PHF21A: variants seen among roughly 807,000 people sequenced by gnomAD.
PHF21A encodes the protein PHD finger protein 21A.
Under a neutral mutation model 82.5 loss-of-function variants are expected in PHF21A, and 11 were observed. That is an observed-to-expected ratio of 0.13 (90% CI 0.08 to 0.22). The LOEUF (loss-of-function observed/expected upper bound fraction) is 0.22, where lower values mean the gene tolerates loss of function less well. PHF21A is among the 10% of genes least tolerant of loss of function. PHF21A has a pLI of 1.00. For synonymous variants in PHF21A, 297 were observed against 302.8 expected (o/e 0.98, Z 0.20); for missense variants, 579 against 837.8 (o/e 0.69, Z 3.81).
chr11:46,042,438 G>C (rs2096167724), intron 6 of PHF21A, among the ~76,000 whole-genome samples: 1 of 152,066 alleles, frequency 6.6e-6, no homozygotes, highest in South Asian at 2.1e-4. Context: ...TGAGGTACAG[G>C]ACAGGCCAGG....
chr11:46,120,127 ACT>A (rs1237785240), intron 1 of PHF21A, among the ~76,000 whole-genome samples: 1 of 148,750 alleles, frequency 6.7e-6, no homozygotes, highest in Non-Finnish European at 1.5e-5. Flanking sequence ...GCACCAACAC[ACT>A]CACACTCACA....
chr11:45,934,797 T>C (rs2088454773), intron 18 of PHF21A: 2 of 349,704 alleles, frequency 5.7e-6, no homozygotes, highest in Non-Finnish European at 1.1e-5. Flanking sequence ...GCCGGGGACT[T>C]AGAGTCTTTT....
intron 1 of PHF21A, among the ~76,000 whole-genome samples, chr11:46,099,094 T>A (rs1214497108): frequency 1.3e-5 from 2 of 152,052 alleles, no homozygotes; most frequent in Non-Finnish European, 2.9e-5. Context: ...TAAAATAGCA[T>A]CAACATACAC....
Position 45,933,495 on chromosome 11 carries a change from G to T in PHF21A, c.*473C>A, listed in dbSNP as rs2134923135. ...AATTCCTTTTTTTGGTTTTATAGTA[G>T]CGAAAGTTTAGAAACAGGAAAGCCC... is the stretch of plus-strand genomic sequence containing the variant. On this transcript the variant is annotated 3_prime_UTR_variant, in exon 19 of 19. Transcript: ENST00000676320. 6.5e-6 allele frequency: 1 copy of T among 153,856 alleles called. No individual in the cohort carries two copies. Among genetic ancestry groups the T allele is most frequent in the South Asian group, 2.1e-4 (1 of 4,828 alleles). The allele number at this position is 153,856 out of a possible 1,614,324, so 9.5% of individuals were successfully genotyped here. A position where few individuals can be genotyped will look rare whatever the true frequency, so the allele number is the denominator to read the frequency against.
chr11:46,096,182 C>G (rs1346270191), intron 1 of PHF21A, among the ~76,000 whole-genome samples: 1 of 152,146 alleles, frequency 6.6e-6, no homozygotes, highest in Non-Finnish European at 1.5e-5. Flanking sequence ...CTCTTACCCT[C>G]TCCTGGACAT....
chr11:46,010,173 C>A (rs769424171), intron 6 of PHF21A, among the ~76,000 whole-genome samples: 3 of 152,168 alleles, frequency 2.0e-5, no homozygotes, highest in African/African-American at 2.4e-5. Flanking sequence ...CTGATATACA[C>A]TCATGAAGCA....
chr11:46,056,514 A>C (rs1227084367), intron 6 of PHF21A, among the ~76,000 whole-genome samples: 1 of 152,176 alleles, frequency 6.6e-6, no homozygotes, highest in East Asian at 1.9e-4. Flanking sequence ...CTTTTAAAAA[A>C]TAGGTCCTTG....
chr11:46,101,593 A>T (rs903454222), intron 1 of PHF21A, among the ~76,000 whole-genome samples: 1 of 152,186 alleles, frequency 6.6e-6, no homozygotes. Flanking sequence ...AGTATAATTA[A>T]ATAATAGATG....
chr11:45,999,457 C>T (rs760600562), intron 6 of PHF21A, among the ~76,000 whole-genome samples: 20 of 152,168 alleles, frequency 1.3e-4, no homozygotes, highest in Non-Finnish European at 2.4e-4. Context: ...TATACTTCCA[C>T]CAGGTTCTAT....
At chr11:45,991,776 T>G (rs1209191429) in intron 6 of PHF21A, among the ~76,000 whole-genome samples, 1 of 152,172 alleles carries the variant, frequency 6.6e-6, no homozygotes, top group East Asian at 1.9e-4. Flanking sequence ...TAAAATTTTA[T>G]GAATCTCTGA....
intron 6 of PHF21A, among the ~76,000 whole-genome samples, chr11:46,053,002 A>G (rs923944309): frequency 1.3e-5 from 2 of 152,214 alleles, no homozygotes; most frequent in Non-Finnish European, 2.9e-5. Context: ...AGGGATGAAA[A>G]GAAGCTACCT....
intron 7 of PHF21A, among the ~76,000 whole-genome samples, chr11:45,976,735 G>T (rs903982223): frequency 5.3e-5 from 8 of 152,118 alleles, no homozygotes; most frequent in Admixed American, 2.6e-4. Flanking sequence ...CCAGCTACCC[G>T]GGAGGCTGAG....
chr11:46,113,349 A>G (rs1433786454), intron 1 of PHF21A, among the ~76,000 whole-genome samples: 1 of 152,228 alleles, frequency 6.6e-6, no homozygotes, highest in Non-Finnish European at 1.5e-5. Context: ...TCTCTAGCAC[A>G]TACCGGAAAA....
chr11:46,008,371 C>A (rs1449530622), intron 6 of PHF21A, among the ~76,000 whole-genome samples: 1 of 152,126 alleles, frequency 6.6e-6, no homozygotes, highest in Non-Finnish European at 1.5e-5. Flanking sequence ...CACATATGGC[C>A]TGGGTTCTGA....
intron 7 of PHF21A, among the ~76,000 whole-genome samples, chr11:45,974,217 A>C (rs573798252): frequency 2.0e-5 from 3 of 152,212 alleles, no homozygotes; most frequent in Admixed American, 2.0e-4. Context: ...CTATTTATTG[A>C]CACCAAGACC....
At position 45,971,277 on chromosome 11, in the gene PHF21A, C is replaced by T; in HGVS notation, c.451G>A (p.Gly151Ser). The T allele has an allele frequency of 6.2e-7, 1 of 1,614,100 alleles. No homozygotes were observed. ...ATATMPASVVGQRPTIAMVTA... is the reference protein window; with the variant it reads ...ATATMPASVVSQRPTIAMVTA... ...ACCATAGCAATGGTAGGTCTCTGGC[C>T]CACCACAGAGGCAGGCATGGTCGCA... The change falls in exon 8 of 19, where the codon GGC (glycine) becomes AGC (serine). Residue 151 changes from glycine (G) to serine (S), a missense_variant. By Grantham distance (56) the Gly-to-Ser change is moderately conservative (BLOSUM62 0). Transcript: ENST00000676320.
chr11:46,023,466 A>C (rs1190166075), intron 6 of PHF21A, among the ~76,000 whole-genome samples: 1 of 152,202 alleles, frequency 6.6e-6, no homozygotes, highest in Non-Finnish European at 1.5e-5. Context: ...TTAAGAAAGA[A>C]GACTGCTCTC....
chr11:46,102,530 CA>C (rs924325863), intron 1 of PHF21A, among the ~76,000 whole-genome samples: 1 of 152,100 alleles, frequency 6.6e-6, no homozygotes, highest in Non-Finnish European at 1.5e-5. Flanking sequence ...TTCACAACAC[CA>C]AAATTTCCAT....
intron 6 of PHF21A, among the ~76,000 whole-genome samples, chr11:46,033,440 T>C (rs1429156341): frequency 6.6e-6 from 1 of 152,136 alleles, no homozygotes; most frequent in East Asian, 1.9e-4. Context: ...AATTTTTGTA[T>C]TTTTGGTAGA....
Sources: allele counts gnomAD v4.1 joint callset (sites outside exome capture counted in the v4.1 genomes callset), GRCh38; gene constraint gnomAD v4.1.1; transcripts MANE v1.5; gene names NCBI Gene and HGNC (gene_info 2026-07-23, HGNC 2026-07-21).